USP34: variants seen among roughly 807,000 people sequenced by gnomAD.
USP34 encodes the protein ubiquitin specific peptidase 34, also known as ubiquitin carboxyl-terminal hydrolase 34.
A neutral mutation model predicts 460.3 loss-of-function variants in USP34; 70 were observed. That is an observed-to-expected ratio of 0.15 (90% CI 0.13 to 0.19). The LOEUF (loss-of-function observed/expected upper bound fraction) is 0.19. USP34 is among the 10% of genes least tolerant of loss of function. The probability of loss-of-function intolerance (pLI) is 1.00; values close to 1 mark genes in which losing one functional copy is unlikely to be tolerated. For missense variants in USP34, 3,985 were observed against 4,236.2 expected, an observed-to-expected ratio of 0.94 and a Z score of 1.65; for synonymous variants, 1,647 against 1,405.3, an observed-to-expected ratio of 1.17 and a Z score of -3.85.
At chr2:61,301,184 T>TTA (rs774665240) in intron 28 of USP34, 24 bp from the exon 29 acceptor site, 13 of 1,576,510 alleles carry the variant, frequency 8.2e-6, no homozygotes, top group African/African-American at 4.1e-5. Context: ...GAAAAAAAAT[T>TTA]TATGCATATC....
chr2:61,317,556 G>C (rs1690789599), intron 23 of USP34, 98 bp downstream of exon 23: 1 of 1,089,852 alleles, frequency 9.2e-7, no homozygotes, highest in Middle Eastern at 2.1e-4. Context: ...TGCACAGGTA[G>C]TAAATTCTAT....
chr2:61,272,498 C>T (rs1269353454), intron 41 of USP34, among the ~76,000 whole-genome samples: 1 of 151,882 alleles, frequency 6.6e-6, no homozygotes, highest in Non-Finnish European at 1.5e-5. Context: ...GACCTGTGAG[C>T]TCTACCTTCA....
At chr2:61,196,732 C>T (rs563827722) in intron 75 of USP34, among the ~76,000 whole-genome samples, 7 of 152,070 alleles carry the variant, frequency 4.6e-5, no homozygotes, top group East Asian at 3.9e-4. Context: ...AGGGTTCTGC[C>T]GTGTTGCCCA....
chr2:61,295,933 C>A (rs1487235078), intron 30 of USP34, among the ~76,000 whole-genome samples: 1 of 152,052 alleles, frequency 6.6e-6, no homozygotes, highest in Non-Finnish European at 1.5e-5. Context: ...CGGAGATGTC[C>A]TCAAATAAAC....
At chr2:61,345,087 A>G (rs1284001514) in intron 15 of USP34, among the ~76,000 whole-genome samples, 1 of 152,186 alleles carries the variant, frequency 6.6e-6, no homozygotes, top group Non-Finnish European at 1.5e-5. Context: ...AGCCTGGCCA[A>G]CATGGTGAAA....
intron 1 of USP34, among the ~76,000 whole-genome samples, chr2:61,465,001 AC>A (rs1190455433): frequency 2.0e-5 from 3 of 152,210 alleles, no homozygotes; most frequent in African/African-American, 4.8e-5. Flanking sequence ...ATGTAATCCC[AC>A]AAAATGATAA....
chr2:61,271,693 A>AGGGGAAGAAG (rs1689219838), intron 41 of USP34, among the ~76,000 whole-genome samples: 1 of 152,100 alleles, frequency 6.6e-6, no homozygotes, highest in Non-Finnish European at 1.5e-5. Flanking sequence ...AGGAGAAAGG[A>AGGGGAAGAAG]GGGGAAGAAG....
chr2:61,432,511 G>C (rs1694707436), intron 1 of USP34, among the ~76,000 whole-genome samples: 1 of 151,936 alleles, frequency 6.6e-6, no homozygotes. Flanking sequence ...GGACACAGTG[G>C]TGTGTGTCTC....
intron 5 of USP34, among the ~76,000 whole-genome samples, chr2:61,389,703 G>A (rs1221839313): frequency 1.3e-5 from 2 of 151,890 alleles, no homozygotes; most frequent in African/African-American, 2.4e-5. Flanking sequence ...AAACCAAATT[G>A]CATATGCTAT....
intron 51 of USP34, among the ~76,000 whole-genome samples, chr2:61,243,067 A>G (rs1038135771): frequency 2.0e-5 from 3 of 151,932 alleles, no homozygotes; most frequent in Non-Finnish European, 4.4e-5. Flanking sequence ...GATGGTCTCG[A>G]ACTCCTGACC....
At chr2:61,313,993 C>T (rs1484746052) in intron 25 of USP34, among the ~76,000 whole-genome samples, 2 of 151,966 alleles carry the variant, frequency 1.3e-5, no homozygotes, top group Non-Finnish European at 2.9e-5. Flanking sequence ...TTAAAACTAT[C>T]TACTCACCTT....
chr2:61,304,884 A>C (rs1343124823), intron 27 of USP34, among the ~76,000 whole-genome samples: 1 of 152,158 alleles, frequency 6.6e-6, no homozygotes, highest in Non-Finnish European at 1.5e-5. Flanking sequence ...CTTATTCTTT[A>C]TCAGTTCTAA....
chr2:61,246,783 A>G (rs1199427549), intron 49 of USP34, among the ~76,000 whole-genome samples: 1 of 152,182 alleles, frequency 6.6e-6, no homozygotes, highest in Non-Finnish European at 1.5e-5. Flanking sequence ...CCATGTGTTA[A>G]TACATAATTA....
intron 20 of USP34, among the ~76,000 whole-genome samples, chr2:61,330,260 A>C (rs1321789110): frequency 1.3e-5 from 2 of 152,178 alleles, no homozygotes; most frequent in East Asian, 3.8e-4. Context: ...GTATATCTTA[A>C]AATAGTTGAT....
At chr2:61,341,969 G>T (rs1691617010) in intron 16 of USP34, among the ~76,000 whole-genome samples, 1 of 151,688 alleles carries the variant, frequency 6.6e-6, no homozygotes, top group South Asian at 2.1e-4. Flanking sequence ...CACCATGTTG[G>T]CCAGGCTGGC....
chr2:61,372,056 T>C (rs1692644638), intron 8 of USP34, among the ~76,000 whole-genome samples: 1 of 152,060 alleles, frequency 6.6e-6, no homozygotes, highest in Non-Finnish European at 1.5e-5. Flanking sequence ...TATTATAAAA[T>C]GGGTGGAAGA....
intron 2 of USP34, among the ~76,000 whole-genome samples, chr2:61,417,583 G>C (rs1178640575): frequency 6.6e-6 from 1 of 151,792 alleles, no homozygotes; most frequent in African/African-American, 2.4e-5. Flanking sequence ...AAAAGAAGTT[G>C]TAAGCTGTCG....
intron 15 of USP34, among the ~76,000 whole-genome samples, chr2:61,347,477 G>A (rs1183994095): frequency 6.6e-6 from 1 of 152,132 alleles, no homozygotes; most frequent in East Asian, 1.9e-4. Flanking sequence ...AGGTTCAAGT[G>A]ATTCTCCTGC....
chr2:61,435,954 G>A (rs1400827741), intron 1 of USP34, among the ~76,000 whole-genome samples: 1 of 152,088 alleles, frequency 6.6e-6, no homozygotes, highest in South Asian at 2.1e-4. Flanking sequence ...CTTGAACCTG[G>A]GAGGCGGAGG....
Sources: allele counts gnomAD v4.1 joint callset (sites outside exome capture counted in the v4.1 genomes callset), GRCh38; gene constraint gnomAD v4.1.1; transcripts MANE v1.5; gene names NCBI Gene and HGNC (gene_info 2026-07-23, HGNC 2026-07-21).